The following SEMA3C variants were observed in gnomAD, a reference collection of about 807,000 sequenced individuals.
SEMA3C encodes semaphorin-3C.
In SEMA3C, 47 loss-of-function variants were observed where a neutral mutation model predicts 89.4. The ratio of observed to expected loss-of-function variants is 0.53; its 90% confidence interval spans 0.42 to 0.67. SEMA3C has a LOEUF of 0.67. Ranked by LOEUF, SEMA3C falls within the 30% of genes least tolerant of loss-of-function variation. SEMA3C has a pLI of 0.00. For missense variants in SEMA3C, 839 were observed against 929.1 expected (o/e 0.90, Z 1.26); for synonymous variants, 310 against 320.2 (o/e 0.97, Z 0.34).
At chr7:80,810,543 T>G (rs1789443053) in intron 6 of SEMA3C, 68 bp downstream of exon 6, 1 of 1,207,670 alleles carries the variant, frequency 8.3e-7, no homozygotes, top group Admixed American at 1.7e-5. Context: ...CAAGAATAGG[T>G]ATACCATGTC....
chr7:80,788,653 A>C (rs2115577399), intron 12 of SEMA3C, among the ~76,000 whole-genome samples: 1 of 152,334 alleles, frequency 6.6e-6, no homozygotes, highest in Admixed American at 6.5e-5. Context: ...CTATCAGAGT[A>C]AACTGATAGA....
intron 2 of SEMA3C, among the ~76,000 whole-genome samples, chr7:80,898,840 A>C (rs866183325): frequency 3.3e-5 from 5 of 152,100 alleles, no homozygotes; most frequent in Admixed American, 6.5e-5. Context: ...AAAAAAAAAA[A>C]AATTGAGAAC....
At chr7:80,885,296 G>T (rs997935343) in intron 2 of SEMA3C, among the ~76,000 whole-genome samples, 1 of 151,966 alleles carries the variant, frequency 6.6e-6, no homozygotes, top group Non-Finnish European at 1.5e-5. Context: ...TAGGTAAATT[G>T]TTTAAGGAAT....
intron 2 of SEMA3C, among the ~76,000 whole-genome samples, chr7:80,857,641 T>G (rs2115971024): frequency 6.6e-6 from 1 of 152,312 alleles, no homozygotes; most frequent in South Asian, 2.1e-4. Context: ...TTTATAAGCA[T>G]TTAAATCGAT....
Position 80,856,025 on chromosome 7 carries a change from A to G in SEMA3C, c.104-27280T>C, listed in dbSNP as rs17154553. On this transcript the variant is annotated intron_variant, in intron 2 of 17. Coordinates refer to ENST00000265361, the MANE Select transcript of SEMA3C (RefSeq NM_006379.5). ...TTCCTAAAAAAGGTCACATCTATTAAATATAAGGAGATAACATCGTTTTTA... is the reference window on the plus strand; with the variant it reads ...TTCCTAAAAAAGGTCACATCTATTAGATATAAGGAGATAACATCGTTTTTA... Among the ~76,000 whole-genome samples the G allele has an allele frequency of 8.6e-3, 1,309 of 152,254 alleles. 51 individuals are homozygous for G. In the East Asian group the frequency reaches 0.13, roughly 15 times the overall value.
intron 13 of SEMA3C, among the ~76,000 whole-genome samples, chr7:80,763,920 C>T (rs546138163): frequency 1.2e-4 from 19 of 152,128 alleles, no homozygotes; most frequent in African/African-American, 4.6e-4. Flanking sequence ...TTTATGAGCC[C>T]GATTTTAACA....
intron 2 of SEMA3C, among the ~76,000 whole-genome samples, chr7:80,899,730 A>T (rs1370784144): frequency 6.6e-6 from 1 of 152,196 alleles, no homozygotes; most frequent in Non-Finnish European, 1.5e-5. Context: ...TCCTTGCCAG[A>T]TCCTCTGACA....
chr7:80,745,366 AC>A lies in SEMA3C; in HGVS notation c.1843-60del, dbSNP rs1787777344. 22 of 1,462,758 alleles carry A rather than the reference AC, an allele frequency of 1.5e-5. 1 individual carries two copies. In the South Asian group the frequency reaches 2.6e-4, roughly 17 times the overall value. 90.6% of individuals were successfully genotyped at this position (1,462,758 alleles called of 1,614,324 possible). A position where few individuals can be genotyped will look rare whatever the true frequency, so the allele number is the denominator to read the frequency against. The stretch of plus-strand genomic sequence containing the variant: ...GAACATTATATTTCCTTAGATTATG[AC>A]CAACATACACAGAATAGTCTCAACT... On this transcript the variant is annotated intron_variant, in intron 17 of 17. Coordinates refer to ENST00000265361, the MANE Select transcript of SEMA3C (RefSeq NM_006379.5).
intron 2 of SEMA3C, among the ~76,000 whole-genome samples, chr7:80,859,562 C>T (rs1790723131): frequency 6.6e-6 from 1 of 152,176 alleles, no homozygotes; most frequent in Non-Finnish European, 1.5e-5. Flanking sequence ...ACTGCATAAA[C>T]TGAATTCCAT....
intron 2 of SEMA3C, among the ~76,000 whole-genome samples, chr7:80,843,875 C>T (rs1256518319): frequency 6.6e-6 from 1 of 152,098 alleles, no homozygotes; most frequent in African/African-American, 2.4e-5. Flanking sequence ...ACTCTTTACC[C>T]AGTCTGCCTA....
At chr7:80,818,619 C>T (rs572526472) in intron 4 of SEMA3C, among the ~76,000 whole-genome samples, 127 of 152,050 alleles carry the variant, frequency 8.4e-4, no homozygotes, top group African/African-American at 2.9e-3. Flanking sequence ...ACATAAAATA[C>T]GCTAACACTA....
In SEMA3C at chr7:80,765,252, A is replaced by T. The variant is rs749724682; in HGVS notation, c.1355-9T>A. 1.3e-6 allele frequency: 2 copies of T among 1,592,360 alleles called. No individual in the cohort carries two copies. Among genetic ancestry groups the T allele is most frequent in the Non-Finnish European group, 8.6e-7 (1 of 1,161,904 alleles). On this transcript the variant is annotated splice_polypyrimidine_tract_variant and intron_variant, in intron 12 of 17. Transcript: ENST00000265361. ...TTGCACAGTACCCCGATCTAAATTA[A>T]AAAAAGAAGAAATGAGATGTTACAA...
chr7:80,871,552 C>T (rs1303969724), intron 2 of SEMA3C, among the ~76,000 whole-genome samples: 2 of 152,156 alleles, frequency 1.3e-5, no homozygotes, highest in African/African-American at 4.8e-5. Context: ...CCCATTTATG[C>T]CAGACAAATT....
At chr7:80,772,315 G>A (rs982276436) in intron 12 of SEMA3C, among the ~76,000 whole-genome samples, 2 of 152,178 alleles carry the variant, frequency 1.3e-5, no homozygotes, top group Admixed American at 6.5e-5. Flanking sequence ...TGAATCATGA[G>A]TTTATAAAAT....
At chr7:80,814,325 T>C (rs1463664108) in intron 5 of SEMA3C, among the ~76,000 whole-genome samples, 1 of 152,058 alleles carries the variant, frequency 6.6e-6, no homozygotes, top group Non-Finnish European at 1.5e-5. Context: ...CCTGACGTCA[T>C]GATCTGCCCG....
chr7:80,894,728 A>G (rs1268012601), intron 2 of SEMA3C, among the ~76,000 whole-genome samples: 2 of 152,036 alleles, frequency 1.3e-5, no homozygotes, highest in Admixed American at 1.3e-4. Context: ...TACCTTTCAT[A>G]ACTATTTTTT....
chr7:80,820,667 T>C (rs1008795709), intron 4 of SEMA3C, among the ~76,000 whole-genome samples: 5 of 152,158 alleles, frequency 3.3e-5, no homozygotes, highest in African/African-American at 1.2e-4. Context: ...TTTTGTTAAA[T>C]ACACAGTGTC....
intron 15 of SEMA3C, among the ~76,000 whole-genome samples, chr7:80,755,835 T>C (rs969777519): frequency 5.3e-5 from 8 of 152,194 alleles, no homozygotes; most frequent in African/African-American, 1.9e-4. Context: ...TCCCTCACAC[T>C]GTCCAGGTTT....
chr7:80,787,649 CA>C (rs1403058562), intron 12 of SEMA3C, among the ~76,000 whole-genome samples: 1 of 152,076 alleles, frequency 6.6e-6, no homozygotes. Context: ...ACAAAATCTG[CA>C]ATACAGCAGA....
Sources: allele counts gnomAD v4.1 joint callset (sites outside exome capture counted in the v4.1 genomes callset), GRCh38; gene constraint gnomAD v4.1.1; transcripts MANE v1.5; gene names NCBI Gene and HGNC (gene_info 2026-07-23, HGNC 2026-07-21).